Variants in MEGF10 observed in about 807,000 individuals in gnomAD.
MEGF10 encodes the protein multiple epidermal growth factor-like domains protein 10.
A neutral mutation model predicts 147.5 loss-of-function variants in MEGF10; 86 were observed. That is an observed-to-expected ratio of 0.58 (90% confidence interval 0.49 to 0.70). MEGF10 has a LOEUF of 0.70. Ranked by LOEUF, MEGF10 falls within the 30% of genes least tolerant of loss-of-function variation. The pLI is 0.00. For synonymous variants in MEGF10, 478 were observed against 525.5 expected (o/e 0.91, Z 1.24); for missense variants, 1,329 against 1,487.3 (o/e 0.89, Z 1.75).
chr5:127,318,198 A>G (rs1425191548), intron 1 of MEGF10, among the ~76,000 whole-genome samples: 1 of 152,142 alleles, frequency 6.6e-6, no homozygotes, highest in East Asian at 1.9e-4. Context: ...CCCTCCCCAG[A>G]CACTGAATCT....
chr5:127,417,540 CCA>C, intron 9 of MEGF10, 96 bp from the exon 10 acceptor site: 1 of 1,168,696 alleles, frequency 8.6e-7, no homozygotes, highest in Non-Finnish European at 1.3e-6. Context: ...ATGGAATTAC[CCA>C]CACATTTAGT....
chr5:127,443,850 G>T (rs1037927320), intron 19 of MEGF10, among the ~76,000 whole-genome samples: 1 of 152,152 alleles, frequency 6.6e-6, no homozygotes, highest in Non-Finnish European at 1.5e-5. Context: ...ATGGACAGGT[G>T]GATTGTTTCC....
chr5:127,229,631 G>GAA, the MEGF10 span: 1 of 152,726 alleles, frequency 6.5e-6, no homozygotes, highest in African/African-American at 2.4e-5. Context: ...AGGCGAGCGC[G>GAA]AGCGACCAGG....
upstream of MEGF10, among the ~76,000 whole-genome samples, chr5:127,287,285 C>T (rs1759057680): frequency 6.6e-6 from 1 of 151,800 alleles, no homozygotes; most frequent in Non-Finnish European, 1.5e-5. Flanking sequence ...GCATCCTATC[C>T]AGTGAAATAA....
At chr5:127,236,366 A>G in the MEGF10 span, among the ~76,000 whole-genome samples, 1 of 152,230 alleles carries the variant, frequency 6.6e-6, no homozygotes, top group East Asian at 1.9e-4. Flanking sequence ...ATGTTGAAGC[A>G]TGAAGGCAGC....
At chr5:127,244,075 A>C in the MEGF10 span, among the ~76,000 whole-genome samples, 1 of 151,682 alleles carries the variant, frequency 6.6e-6, no homozygotes, top group Non-Finnish European at 1.5e-5. Context: ...GCATGCCTGT[A>C]ATCCCAACTA....
In MEGF10 at chr5:127,408,149, T is replaced by G. The variant is rs1580829582; in HGVS notation, c.918-2240T>G. Among the ~76,000 whole-genome samples, 3 of 152,306 alleles carry G rather than the reference T, an allele frequency of 2.0e-5. No homozygotes were observed. The East Asian group carries it at 5.8e-4, about 29-fold the overall frequency. On this transcript the variant is annotated intron_variant, in intron 8 of 24. Transcript: ENST00000503335. ...AAGTCTCTGCCAAGATATGATAAAA[T>G]ATACACACTGGTTCCCTGTAATTTG... is the stretch of plus-strand genomic sequence containing the variant.
chr5:127,380,308 G>A (rs1258509204), intron 5 of MEGF10, among the ~76,000 whole-genome samples: 1 of 151,940 alleles, frequency 6.6e-6, no homozygotes, highest in African/African-American at 2.4e-5. Context: ...TTCTTTTTAG[G>A]GGCTCTTAGT....
In MEGF10 at chr5:127,457,206, A is replaced by AC; in HGVS notation, c.3312dup (p.Ser1105GlnfsTer8). ...CAGGATCCATATGACCTCCCAAAGA[A>AC]CAGTCACATCCCTTGTCATTATGAC... On this transcript the variant is annotated frameshift_variant, in exon 25 of 25. Transcript: ENST00000503335. LOFTEE classifies it high-confidence loss of function. 2.5e-6 allele frequency: 4 copies of AC among 1,614,158 alleles called. No individual in the cohort carries two copies. The highest frequency in any genetic ancestry group is 3.4e-6 in the Non-Finnish European group (4 of 1,180,012).
chr5:127,334,799 A>G (rs920902154), intron 2 of MEGF10, among the ~76,000 whole-genome samples: 1 of 152,166 alleles, frequency 6.6e-6, no homozygotes, highest in Non-Finnish European at 1.5e-5. Context: ...CAAACCTTCA[A>G]TTACTAACAC....
the MEGF10 span, among the ~76,000 whole-genome samples, chr5:127,261,682 T>A: frequency 6.6e-6 from 1 of 152,186 alleles, no homozygotes; most frequent in African/African-American, 2.4e-5. Flanking sequence ...GCTATACTGA[T>A]TGTAAAGCAG....
In MEGF10 at chr5:127,340,670, T is replaced by C. The variant is rs1396682111; in HGVS notation, c.319+40T>C. ...CACCCCTTTGAGATTCGCTAGTTTTTCCCAGTGCTGGTTTGCTTCCATTAA... is the reference window on the plus strand; with the variant it reads ...CACCCCTTTGAGATTCGCTAGTTTTCCCCAGTGCTGGTTTGCTTCCATTAA... On this transcript the variant is annotated intron_variant, in intron 4 of 24. Transcript: ENST00000503335. 5 of 1,554,622 alleles carry C rather than the reference T, an allele frequency of 3.2e-6. No individual in the cohort carries two copies. In the Admixed American group the frequency reaches 8.4e-5, roughly 26 times the overall value.
chr5:127,397,999 A>C (rs573118824), intron 6 of MEGF10, among the ~76,000 whole-genome samples: 32 of 143,140 alleles, frequency 2.2e-4, no homozygotes, highest in Non-Finnish European at 3.5e-4. Flanking sequence ...CTCACTCATA[A>C]GTGGGAGTTG....
intron 4 of MEGF10, among the ~76,000 whole-genome samples, chr5:127,342,153 GA>G (rs1761705012): frequency 6.6e-6 from 1 of 152,082 alleles, no homozygotes; most frequent in Non-Finnish European, 1.5e-5. Flanking sequence ...AAACATCTTA[GA>G]GAATAATCAT....
chr5:127,377,117 C>A (rs779817472), intron 5 of MEGF10, among the ~76,000 whole-genome samples: 6 of 152,098 alleles, frequency 3.9e-5, no homozygotes, highest in Non-Finnish European at 7.4e-5. Flanking sequence ...AATGTTGGGG[C>A]AGATTCTATT....
At chr5:127,425,394 G>A (rs17164956) in intron 13 of MEGF10, among the ~76,000 whole-genome samples, 1 of 152,052 alleles carries the variant, frequency 6.6e-6, no homozygotes, top group South Asian at 2.1e-4. Flanking sequence ...CTGCCTCATG[G>A]TCTGTCAGTC....
At chr5:127,274,231 A>G in the MEGF10 span, among the ~76,000 whole-genome samples, 1 of 152,208 alleles carries the variant, frequency 6.6e-6, no homozygotes, top group African/African-American at 2.4e-5. Context: ...TTCTAGATTT[A>G]AAAAGACTTA....
intron 4 of MEGF10, among the ~76,000 whole-genome samples, chr5:127,351,995 C>A (rs43148): frequency 0.62 from 94,979 of 152,036 alleles, 29,988 homozygotes; most frequent in Middle Eastern, 0.76. Flanking sequence ...AGGTTCCTAG[C>A]AGTGATCATG....
chr5:127,415,776 G>A (rs6875738), intron 9 of MEGF10, among the ~76,000 whole-genome samples: 50 of 151,386 alleles, frequency 3.3e-4, no homozygotes, highest in Non-Finnish European at 4.4e-4. Context: ...TGGGGCACAC[G>A]CCTGTAATCC....
Sources: allele counts gnomAD v4.1 joint callset (sites outside exome capture counted in the v4.1 genomes callset), GRCh38; gene constraint gnomAD v4.1.1; transcripts MANE v1.5; gene names NCBI Gene and HGNC (gene_info 2026-07-23, HGNC 2026-07-21).